RAD51B: variants seen among roughly 807,000 people sequenced by gnomAD.
RAD51B encodes the protein RAD51 paralog B.
RAD51B carries 38 observed loss-of-function variants against 42.2 expected under a neutral mutation model. The observed-to-expected ratio is 0.90, with a 90% confidence interval of 0.70 to 1.18. RAD51B has a LOEUF of 1.18. Ranked by LOEUF, RAD51B falls within the 50% of genes most tolerant of loss-of-function variation. The pLI is 0.00. For synonymous variants in RAD51B, 154 were observed against 145.2 expected (o/e 1.06, Z -0.43); for missense variants, 373 against 400.7 (o/e 0.93, Z 0.59).
chr14:68,159,543 C>T (rs1266166610), intron 7 of RAD51B, among the ~76,000 whole-genome samples: 1 of 151,366 alleles, frequency 6.6e-6, no homozygotes, highest in Admixed American at 6.6e-5. Context: ...TCACTTGAAC[C>T]TGGGAGGTGG....
At chr14:67,898,520 C>G (rs2140085766) in intron 7 of RAD51B, among the ~76,000 whole-genome samples, 1 of 152,250 alleles carries the variant, frequency 6.6e-6, no homozygotes, top group Non-Finnish European at 1.5e-5. Flanking sequence ...CTATAGTGAA[C>G]AGTAATGTAT....
chr14:68,595,131 A>C, exon 11 of RAD51B: 3 of 1,066,950 alleles, frequency 2.8e-6, no homozygotes, highest in Non-Finnish European at 3.4e-6. Context: ...TCAGCATGTT[A>C]GGAGCGCTGG....
At chr14:68,673,975 TAC>T (rs1183642380) in intron 11 of RAD51B, among the ~76,000 whole-genome samples, 1 of 151,846 alleles carries the variant, frequency 6.6e-6, no homozygotes, top group Non-Finnish European at 1.5e-5. Flanking sequence ...TGCACACACA[TAC>T]ACATACTGTA....
At chr14:68,462,318 G>A (rs540444327) in intron 9 of RAD51B, among the ~76,000 whole-genome samples, 1 of 152,200 alleles carries the variant, frequency 6.6e-6, no homozygotes, top group Admixed American at 6.5e-5. Context: ...CCACCAGAAT[G>A]TCAGCTCTAT....
At chr14:68,525,710 A>G (rs1023137609) in intron 10 of RAD51B, among the ~76,000 whole-genome samples, 1 of 151,984 alleles carries the variant, frequency 6.6e-6, no homozygotes, top group African/African-American at 2.4e-5. Context: ...TGCTTTTCAC[A>G]CCCACACTCG....
At chr14:68,676,305 C>T (rs1020669482) in intron 11 of RAD51B, among the ~76,000 whole-genome samples, 2 of 152,158 alleles carry the variant, frequency 1.3e-5, no homozygotes, top group Admixed American at 6.5e-5. Context: ...GCTAGAACCC[C>T]ACCACAGCAA....
intron 8 of RAD51B, among the ~76,000 whole-genome samples, chr14:68,397,072 A>G (rs1291450821): frequency 6.6e-6 from 1 of 152,252 alleles, no homozygotes; most frequent in Non-Finnish European, 1.5e-5. Flanking sequence ...GAGATAATGT[A>G]TGTAAGGTGT....
chr14:67,823,682 AC>A, intron 2 of RAD51B, 55 bp downstream of exon 2: 3 of 1,273,616 alleles, frequency 2.4e-6, no homozygotes, highest in Non-Finnish European at 3.3e-6. Context: ...TTAACTTTAT[AC>A]CTTAATACCT....
At chr14:68,486,657 C>A (rs962219025) in intron 10 of RAD51B, among the ~76,000 whole-genome samples, 6 of 152,170 alleles carry the variant, frequency 3.9e-5, no homozygotes, top group Non-Finnish European at 7.3e-5. Context: ...TTATTCTGAC[C>A]CTCACTGTTT....
At chr14:68,191,135 C>G (rs149493537) in intron 7 of RAD51B, among the ~76,000 whole-genome samples, 1 of 151,990 alleles carries the variant, frequency 6.6e-6, no homozygotes, top group African/African-American at 2.4e-5. Context: ...TTAGAGAAAT[C>G]GAGTGTTTTC....
intron 8 of RAD51B, among the ~76,000 whole-genome samples, chr14:68,337,603 G>A (rs1427058922): frequency 2.6e-5 from 4 of 152,168 alleles, no homozygotes; most frequent in African/African-American, 9.7e-5. Context: ...ATTCTCAGGT[G>A]GAGGTTTTTA....
chr14:68,354,517 T>C (rs2082858409), intron 8 of RAD51B, among the ~76,000 whole-genome samples: 1 of 147,296 alleles, frequency 6.8e-6, no homozygotes, highest in Non-Finnish European at 1.5e-5. Flanking sequence ...CTGGCCCCAA[T>C]AATGTTTTAA....
At chr14:67,888,431 A>T (rs192078378) in intron 7 of RAD51B, among the ~76,000 whole-genome samples, 17 of 152,208 alleles carry the variant, frequency 1.1e-4, no homozygotes, top group African/African-American at 4.1e-4. Context: ...TAAAGATAGG[A>T]GATATTTGAA....
chr14:67,831,516 G>A (rs2041045452), intron 3 of RAD51B, among the ~76,000 whole-genome samples: 1 of 152,014 alleles, frequency 6.6e-6, no homozygotes, highest in Admixed American at 6.6e-5. Context: ...CTACTTTTCT[G>A]AAGTTTTGTT....
chr14:68,044,257 T>C (rs1038417523), intron 7 of RAD51B, among the ~76,000 whole-genome samples: 3 of 152,206 alleles, frequency 2.0e-5, no homozygotes, highest in Non-Finnish European at 4.4e-5. Flanking sequence ...AACCAAAGGA[T>C]ATGAAGTGTT....
intron 7 of RAD51B, among the ~76,000 whole-genome samples, chr14:67,931,618 T>G (rs1442614230): frequency 1.3e-5 from 2 of 150,036 alleles, no homozygotes; most frequent in Non-Finnish European, 3.0e-5. Context: ...TTCTCCTGCC[T>G]CAGCCTCCTG....
intron 7 of RAD51B, among the ~76,000 whole-genome samples, chr14:68,225,515 G>T (rs1225740541): frequency 6.6e-6 from 1 of 152,194 alleles, no homozygotes; most frequent in Non-Finnish European, 1.5e-5. Flanking sequence ...CTAATTTAGG[G>T]AACTATTCTG....
chr14:68,286,315 A>T (rs973606985), intron 7 of RAD51B, among the ~76,000 whole-genome samples: 1 of 152,198 alleles, frequency 6.6e-6, no homozygotes, highest in African/African-American at 2.4e-5. Flanking sequence ...CCCCCACAGA[A>T]ATCTCAGTGA....
intron 7 of RAD51B, among the ~76,000 whole-genome samples, chr14:67,940,055 T>TATATATATA (rs1342389102): frequency 3.4e-4 from 3 of 8,724 alleles, no homozygotes; most frequent in African/African-American, 1.5e-3. Context: ...TATATATATA[T>TATATATATA]TTTTTTTTTT....
Sources: allele counts gnomAD v4.1 joint callset (sites outside exome capture counted in the v4.1 genomes callset), GRCh38; gene constraint gnomAD v4.1.1; transcripts MANE v1.5; gene names NCBI Gene and HGNC (gene_info 2026-07-23, HGNC 2026-07-21).